Variants in ARHGAP40 observed in about 807,000 individuals in gnomAD.
The protein encoded by ARHGAP40 is Rho GTPase activating protein 40.
A neutral mutation model predicts 73.5 loss-of-function variants in ARHGAP40; 43 were observed. The ratio of observed to expected loss-of-function variants is 0.58; its 90% CI spans 0.46 to 0.75. The LOEUF (loss-of-function observed/expected upper bound fraction) is 0.75. Ranked by LOEUF, ARHGAP40 falls within the 30% of genes least tolerant of loss-of-function variation. The pLI, the probability that ARHGAP40 is intolerant of heterozygous loss-of-function variation, is 0.00. For synonymous variants in ARHGAP40, 300 were observed against 352.8 expected, an observed-to-expected ratio of 0.85 and a Z score of 1.68; for missense variants, 734 against 861.8, an observed-to-expected ratio of 0.85 and a Z score of 1.86.
chr20:38,614,779 T>A (rs975368711), intron 1 of ARHGAP40: 1 of 634,282 alleles, frequency 1.6e-6, no homozygotes, highest in African/African-American at 1.8e-5. Context: ...TCCAACAATG[T>A]CATGAATCCA....
At chr20:38,637,520 G>T (rs969742673) in intron 6 of ARHGAP40, among the ~76,000 whole-genome samples, 188 bp from the exon 7 acceptor site, 6 of 152,066 alleles carry the variant, frequency 3.9e-5, no homozygotes, top group East Asian at 1.9e-4. Context: ...ATGTTTTAAT[G>T]AAAACATTAC....
intron 1 of ARHGAP40, among the ~76,000 whole-genome samples, chr20:38,604,717 G>T (rs1056124218): frequency 6.6e-6 from 1 of 151,922 alleles, no homozygotes; most frequent in Non-Finnish European, 1.5e-5. Flanking sequence ...TTTAAACCAG[G>T]GTTCTGCAAA....
intron 2 of ARHGAP40, among the ~76,000 whole-genome samples, chr20:38,624,304 C>T (rs778677879): frequency 2.6e-5 from 4 of 152,106 alleles, no homozygotes; most frequent in Non-Finnish European, 5.9e-5. Context: ...GGCTGGGTTC[C>T]AAGCACAAGA....
chr20:38,633,484 C>G (rs1028749898), intron 5 of ARHGAP40, among the ~76,000 whole-genome samples: 3 of 152,134 alleles, frequency 2.0e-5, no homozygotes. Flanking sequence ...TGAATTTAAT[C>G]CCACCAACAG....
At chr20:38,623,312 T>C (rs1323410571) in intron 1 of ARHGAP40, 47 bp from the exon 2 acceptor site, 3 of 1,232,854 alleles carry the variant, frequency 2.4e-6, no homozygotes, top group Non-Finnish European at 3.1e-6. Context: ...ACCCCCATCA[T>C]AAGCAGAGAC....
chr20:38,639,386 A>G, exon 9 of ARHGAP40: 1 of 1,305,420 alleles, frequency 7.7e-7, no homozygotes, highest in South Asian at 1.2e-5. Flanking sequence ...CGTGGTGCCT[A>G]GTGAGTGTGC....
Position 38,646,937 on chromosome 20 carries a change from T to C in ARHGAP40, c.1711-20T>C, listed in dbSNP as rs1449086903. Reference sequence around the variant, plus strand: ...AGCTGACTCTTATGTATATGGATCTTTCTCTCTCTCTCTCTGCAGACTCCC... The same window carrying C: ...AGCTGACTCTTATGTATATGGATCTCTCTCTCTCTCTCTCTGCAGACTCCC... On this transcript the variant is annotated intron_variant, in intron 12 of 14. Transcript: ENST00000373345. This position sits in a 1 kb window ranked among gnomAD's most constrained non-coding sequence, Gnocchi z 4.5. The C allele has an allele frequency of 2.4e-6, 3 of 1,265,420 alleles. No homozygotes were observed. Among genetic ancestry groups the C allele is most frequent in the East Asian group, 5.7e-5 (1 of 17,426 alleles). The allele number at this position is 1,265,420 out of a possible 1,614,324, so 78.4% of individuals were successfully genotyped here.
At chr20:38,614,099 G>A (rs901316638) in intron 1 of ARHGAP40, among the ~76,000 whole-genome samples, 9 of 152,138 alleles carry the variant, frequency 5.9e-5, no homozygotes, top group African/African-American at 1.9e-4. Flanking sequence ...GCTGTGTCCC[G>A]ATGTTCAGGT....
chr20:38,645,973 G>T (rs776986087), intron 11 of ARHGAP40, 74 bp from the exon 12 acceptor site: 6 of 1,191,194 alleles, frequency 5.0e-6, no homozygotes, highest in African/African-American at 3.2e-5. Flanking sequence ...AGGCCACGAT[G>T]ACCCTGGAGA....
At chr20:38,645,541 G>A (rs1252847710) in intron 11 of ARHGAP40, among the ~76,000 whole-genome samples, 2 of 152,138 alleles carry the variant, frequency 1.3e-5, no homozygotes, top group African/African-American at 2.4e-5. Context: ...CTCCAGTTTC[G>A]TCAGACCCTG....
At chr20:38,602,974 C>T (rs2145589640) in intron 1 of ARHGAP40, among the ~76,000 whole-genome samples, 1 of 152,346 alleles carries the variant, frequency 6.6e-6, no homozygotes, top group East Asian at 1.9e-4. Context: ...CAATGAACAT[C>T]TCTGGGGACT....
chr20:38,626,879 A>C (rs1213605799), intron 2 of ARHGAP40, 116 bp from the exon 3 acceptor site: 2 of 745,012 alleles, frequency 2.7e-6, no homozygotes, highest in Non-Finnish European at 3.9e-6. Context: ...TCACGATCAG[A>C]TATGCAGAAA....
At chr20:38,637,170 A>T (rs1279105884) in intron 6 of ARHGAP40, among the ~76,000 whole-genome samples, 1 of 150,998 alleles carries the variant, frequency 6.6e-6, no homozygotes, top group Non-Finnish European at 1.5e-5. Context: ...TGTGAGACAG[A>T]ACTTTGCTCT....
intron 5 of ARHGAP40, among the ~76,000 whole-genome samples, 164 bp from the exon 6 acceptor site, chr20:38,634,456 G>C (rs1176158422): frequency 6.6e-6 from 1 of 152,208 alleles, no homozygotes; most frequent in African/African-American, 2.4e-5. Context: ...GTTTGCAAGA[G>C]GTGGAGCTTG....
chr20:38,634,320 C>T (rs1164484403), intron 5 of ARHGAP40, among the ~76,000 whole-genome samples: 2 of 152,168 alleles, frequency 1.3e-5, no homozygotes, highest in Admixed American at 6.5e-5. Flanking sequence ...CCACTGTACG[C>T]CAGCTTGGGC....
At chr20:38,639,589 G>C (rs143084428) in intron 9 of ARHGAP40, among the ~76,000 whole-genome samples, 1 of 152,382 alleles carries the variant, frequency 6.6e-6, no homozygotes, top group African/African-American at 2.4e-5. Context: ...TGTCCTGCGT[G>C]TGTTGTATGG....
At chr20:38,633,473 T>A (rs1026705382) in intron 5 of ARHGAP40, among the ~76,000 whole-genome samples, 12 of 152,244 alleles carry the variant, frequency 7.9e-5, no homozygotes, top group African/African-American at 2.9e-4. Context: ...ATACACTTTA[T>A]TGAATTTAAT....
intron 13 of ARHGAP40, among the ~76,000 whole-genome samples, chr20:38,647,407 T>C (rs2089061431): frequency 6.6e-6 from 1 of 151,980 alleles, no homozygotes; most frequent in Non-Finnish European, 1.5e-5. Context: ...TTTGTTTGTT[T>C]TGAGATGGAG....
intron 1 of ARHGAP40, among the ~76,000 whole-genome samples, chr20:38,619,375 A>C (rs6100419): frequency 0.037 from 5,697 of 152,036 alleles, 209 homozygotes; most frequent in African/African-American, 0.092. Context: ...TCCAGGCGAG[A>C]AGTGATGGTG....
Sources: gnomAD v4.1 joint callset for allele counts (sites outside exome capture counted in the v4.1 genomes callset) on GRCh38, gnomAD v4.1.1 for gene constraint, Gnocchi (gnomAD v3.1) non-coding constraint, MANE v1.5 for transcripts, NCBI Gene and HGNC (gene_info 2026-07-23, HGNC 2026-07-21) for gene names.